The following RORA variants were observed in gnomAD, a reference collection of about 807,000 sequenced individuals.
RORA encodes the protein RAR related orphan receptor A.
In RORA, 7 loss-of-function variants were observed where a neutral mutation model predicts 69.5. The observed-to-expected ratio is 0.10, with a 90% CI of 0.06 to 0.19. The LOEUF is 0.19. RORA is among the 10% of genes least tolerant of loss of function. RORA has a pLI of 1.00. For synonymous variants in RORA, 261 were observed against 240.8 expected (o/e 1.08, Z -0.78); for missense variants, 457 against 663.0 (o/e 0.69, Z 3.41).
In RORA at chr15:61,012,636, T is replaced by C. The variant is rs552534932; in HGVS notation, c.166+216417A>G. 3.4e-5 allele frequency among the ~76,000 whole-genome samples: 5 copies of C among 148,860 alleles called. No homozygotes were observed. In the East Asian group the frequency reaches 9.8e-4, roughly 29 times the overall value. On this transcript the variant is annotated intron_variant, in intron 1 of 10. Coordinates refer to ENST00000335670, the MANE Select transcript of RORA (RefSeq NM_134261.3). The stretch of plus-strand genomic sequence containing the variant: ...TTTCTCAAGTGCCTGGCAAACATTG[T>C]TTCACTAAACCAAGTTATCACTTTT...
intron 2 of RORA, among the ~76,000 whole-genome samples, chr15:60,547,041 C>T (rs2067092114): frequency 6.6e-6 from 1 of 152,176 alleles, no homozygotes; most frequent in Admixed American, 6.5e-5. Flanking sequence ...CTGACACGTA[C>T]TGTGGGCGTG....
At chr15:60,504,482 G>A (rs2065433518) in intron 6 of RORA, among the ~76,000 whole-genome samples, 1 of 152,168 alleles carries the variant, frequency 6.6e-6, no homozygotes, top group Admixed American at 6.5e-5. Context: ...GGGAGGCGGA[G>A]GTTGCAGTGA....
intron 2 of RORA, among the ~76,000 whole-genome samples, chr15:60,567,535 C>T (rs1468961677): frequency 2.0e-5 from 3 of 151,902 alleles, no homozygotes; most frequent in African/African-American, 4.8e-5. Flanking sequence ...CTCAGCCTCC[C>T]GAATAGCTGG....
chr15:61,030,297 T>C (rs147550256), intron 1 of RORA, among the ~76,000 whole-genome samples: 1 of 152,254 alleles, frequency 6.6e-6, no homozygotes, highest in Non-Finnish European at 1.5e-5. Context: ...AATGTATCAG[T>C]GCTAATTTGC....
rs1318678238 is a variant in RORA at position 60,678,660 on chromosome 15, T to C, written c.193A>G (p.Thr65Ala). Residue 65 changes from threonine (T) to alanine (A), a missense_variant, in exon 2 of 11, where the codon ACA becomes GCA. Transcript: ENST00000335670. ...RGISVTKKTH[T>A]SQIEIIPCKI... Reference sequence around the variant, plus strand: ...AGAAAAAAAATGCATTACTTACATGTATGTGTCTTCTTCGTTACTGAGATA... The same window carrying C: ...AGAAAAAAAATGCATTACTTACATGCATGTGTCTTCTTCGTTACTGAGATA... 2 of 1,611,584 alleles carry C rather than the reference T, an allele frequency of 1.2e-6. No homozygotes were observed. The highest frequency in any genetic ancestry group is 1.7e-6 in the Non-Finnish European group (2 of 1,177,860).
intron 1 of RORA, among the ~76,000 whole-genome samples, chr15:61,189,001 C>T (rs1190774906): frequency 6.6e-6 from 1 of 152,140 alleles, no homozygotes; most frequent in African/African-American, 2.4e-5. Context: ...ATTACCAACC[C>T]ACTCTCAGAT....
chr15:60,566,569 C>G (rs2067719060), intron 2 of RORA, among the ~76,000 whole-genome samples: 1 of 152,082 alleles, frequency 6.6e-6, no homozygotes, highest in Admixed American at 6.5e-5. Flanking sequence ...GGGTTCCTAG[C>G]CTCCAAGTCT....
intron 2 of RORA, chr15:60,598,646 C>G (rs1467635076): frequency 6.6e-6 from 1 of 152,174 alleles, no homozygotes; most frequent in Non-Finnish European, 1.5e-5. Context: ...ATTTTATTGG[C>G]AAGGCTTCTA....
intron 1 of RORA, among the ~76,000 whole-genome samples, chr15:60,923,785 C>T (rs774615381): frequency 1.3e-5 from 2 of 152,190 alleles, no homozygotes; most frequent in Non-Finnish European, 2.9e-5. Context: ...ACAGTGGCAA[C>T]AACCCCACCC....
chr15:60,571,852 T>C (rs1358083258), intron 2 of RORA, among the ~76,000 whole-genome samples: 2 of 152,240 alleles, frequency 1.3e-5, no homozygotes, highest in African/African-American at 4.8e-5. Context: ...TTTAGAATGT[T>C]AGGCCAACAC....
chr15:61,081,806 T>C (rs1490160507), intron 1 of RORA, among the ~76,000 whole-genome samples: 3 of 107,108 alleles, frequency 2.8e-5, no homozygotes, highest in Non-Finnish European at 5.6e-5. Flanking sequence ...AGACTCTGTC[T>C]CAAAAAAAAA....
intron 2 of RORA, among the ~76,000 whole-genome samples, chr15:60,618,862 T>C (rs368556375): frequency 2.6e-5 from 4 of 152,346 alleles, no homozygotes; most frequent in African/African-American, 2.4e-5. Flanking sequence ...TTGAAGCTCA[T>C]GCATTTGTTT....
intron 1 of RORA, among the ~76,000 whole-genome samples, chr15:60,749,970 C>T (rs145985682): frequency 4.3e-4 from 65 of 152,272 alleles, no homozygotes; most frequent in Admixed American, 1.2e-3. Flanking sequence ...GTCGAGGCTG[C>T]GGTGAGCCAT....
intron 2 of RORA, among the ~76,000 whole-genome samples, chr15:60,654,992 T>C (rs1285934007): frequency 6.6e-6 from 1 of 152,134 alleles, no homozygotes; most frequent in Admixed American, 6.5e-5. Context: ...GGTATTTTGT[T>C]ATAAAAGCCA....
chr15:60,807,491 C>G (rs1486459694), intron 1 of RORA, among the ~76,000 whole-genome samples: 3 of 152,084 alleles, frequency 2.0e-5, no homozygotes, highest in African/African-American at 7.2e-5. Flanking sequence ...GTGAAAATGA[C>G]CATACTGCCA....
chr15:60,518,985 A>G (rs1049863186), intron 3 of RORA, among the ~76,000 whole-genome samples: 1 of 152,230 alleles, frequency 6.6e-6, no homozygotes, highest in Non-Finnish European at 1.5e-5. Context: ...GAGAGACCAC[A>G]TTCACATAAC....
chr15:60,982,577 C>T lies in RORA; in HGVS notation c.166+246476G>A, dbSNP rs935561684. On this transcript the variant is annotated intron_variant, in intron 1 of 10. Coordinates refer to ENST00000335670, the MANE Select transcript of RORA (RefSeq NM_134261.3). Reference sequence around the variant, plus strand: ...TCTTCAAGGCAGCCACCAGATAGATCAAATTAGAATTTTCTGTAAATAAGG... The same window carrying T: ...TCTTCAAGGCAGCCACCAGATAGATTAAATTAGAATTTTCTGTAAATAAGG... Among the ~76,000 whole-genome samples the T allele has an allele frequency of 2.6e-5, 4 of 152,126 alleles. No homozygotes were observed. The East Asian group carries it at 7.7e-4, about 29-fold the overall frequency.
In RORA at chr15:60,995,347, C is replaced by T. The variant is rs973291592; in HGVS notation, c.166+233706G>A. Among the ~76,000 whole-genome samples, 6 of 152,266 alleles carry T rather than the reference C, an allele frequency of 3.9e-5. No individual in the cohort carries two copies. In the South Asian group the frequency reaches 8.3e-4, roughly 21 times the overall value. On this transcript the variant is annotated intron_variant, in intron 1 of 10. Coordinates refer to ENST00000335670, the MANE Select transcript of RORA (RefSeq NM_134261.3). ...CCTCAGGTGTGGCAGCTGAGCTTCC[C>T]GAGTGTTCTCAAATGATTCTCGGCC...
chr15:61,179,758 T>C (rs2140902597), intron 1 of RORA, among the ~76,000 whole-genome samples: 1 of 152,272 alleles, frequency 6.6e-6, no homozygotes, highest in Admixed American at 6.5e-5. Flanking sequence ...AATAAATGAA[T>C]ATGGCCAGTA....
Sources: gnomAD v4.1 joint callset for allele counts (sites outside exome capture counted in the v4.1 genomes callset) on GRCh38, gnomAD v4.1.1 for gene constraint, MANE v1.5 for transcripts, NCBI Gene and HGNC (gene_info 2026-07-23, HGNC 2026-07-21) for gene names.